SORCS2: variants seen among roughly 807,000 people sequenced by gnomAD.
SORCS2 encodes the protein sortilin related VPS10 domain containing receptor 2, also known as VPS10 domain-containing receptor SorCS2.
Under a neutral mutation model 141.6 loss-of-function variants are expected in SORCS2, and 100 were observed. The observed-to-expected ratio is 0.71, with a 90% confidence interval of 0.60 to 0.83. The LOEUF is 0.83. Ranked by LOEUF, SORCS2 falls within the 40% of genes least tolerant of loss-of-function variation. The pLI, the probability that SORCS2 is intolerant of heterozygous loss-of-function variation, is 0.00. For missense variants in SORCS2, 1,646 were observed against 1,560.2 expected, an observed-to-expected ratio of 1.05 and a Z score of -0.93; for synonymous variants, 789 against 676.9, an observed-to-expected ratio of 1.17 and a Z score of -2.57.
At chr4:7,567,557 C>T (rs995564715) in intron 3 of SORCS2, among the ~76,000 whole-genome samples, 1 of 152,162 alleles carries the variant, frequency 6.6e-6, no homozygotes, top group African/African-American at 2.4e-5. Context: ...CGCATCACAC[C>T]AAGGCCACAC....
intron 1 of SORCS2, among the ~76,000 whole-genome samples, chr4:7,337,681 G>A (rs931376522): frequency 6.6e-6 from 1 of 152,182 alleles, no homozygotes; most frequent in African/African-American, 2.4e-5. Flanking sequence ...CGCTGGGGCA[G>A]CATTGCTCCC....
At chr4:7,541,838 C>T (rs985846204) in intron 3 of SORCS2, among the ~76,000 whole-genome samples, 1 of 152,176 alleles carries the variant, frequency 6.6e-6, no homozygotes, top group Non-Finnish European at 1.5e-5. Flanking sequence ...CAAAGAAAAA[C>T]GCAGATAGAA....
chr4:7,472,662 A>C (rs1048492674), intron 2 of SORCS2, among the ~76,000 whole-genome samples: 3 of 152,128 alleles, frequency 2.0e-5, no homozygotes, highest in African/African-American at 7.2e-5. Context: ...GGCAGACTAA[A>C]GCCGGAAGAA....
intron 11 of SORCS2, among the ~76,000 whole-genome samples, chr4:7,695,923 GA>G (rs1234359209): frequency 0.016 from 1,550 of 96,412 alleles, 121 homozygotes; most frequent in African/African-American, 0.017. Flanking sequence ...TGGATGGATG[GA>G]TTGGTGGGTG....
At chr4:7,397,784 A>G (rs1333336138) in intron 2 of SORCS2, among the ~76,000 whole-genome samples, 3 of 152,208 alleles carry the variant, frequency 2.0e-5, no homozygotes, top group African/African-American at 7.2e-5. Flanking sequence ...GGGCAGGCCC[A>G]GGGAGGGCGC....
intron 1 of SORCS2, among the ~76,000 whole-genome samples, chr4:7,377,170 C>CT (rs895989748): frequency 7.3e-5 from 11 of 151,506 alleles, no homozygotes; most frequent in Non-Finnish European, 1.2e-4. Flanking sequence ...CATTGTTTGT[C>CT]TTTTTTTTTC....
intron 8 of SORCS2, among the ~76,000 whole-genome samples, chr4:7,674,311 G>T (rs1577927777): frequency 6.6e-6 from 1 of 152,008 alleles, no homozygotes; most frequent in Non-Finnish European, 1.5e-5. Flanking sequence ...CGGGCGCGGT[G>T]GCTCACGCCT....
At chr4:7,251,086 A>G (rs1026690127) in intron 1 of SORCS2, among the ~76,000 whole-genome samples, 1 of 152,252 alleles carries the variant, frequency 6.6e-6, no homozygotes, top group African/African-American at 2.4e-5. Flanking sequence ...AAATGGGTGC[A>G]TTGGGATAAT....
At chr4:7,461,260 C>T (rs372578174) in intron 2 of SORCS2, among the ~76,000 whole-genome samples, 46 of 152,342 alleles carry the variant, frequency 3.0e-4, no homozygotes, top group Middle Eastern at 3.4e-3. Flanking sequence ...CATCTCTGAA[C>T]GTGAAAGATG....
intron 1 of SORCS2, among the ~76,000 whole-genome samples, chr4:7,240,316 C>T (rs1038695883): frequency 3.9e-5 from 6 of 152,198 alleles, no homozygotes; most frequent in Non-Finnish European, 8.8e-5. Context: ...TTGTTCTTAT[C>T]AGGTTTTACT....
chr4:7,481,014 A>G (rs1304618323), intron 2 of SORCS2, among the ~76,000 whole-genome samples: 2 of 152,236 alleles, frequency 1.3e-5, no homozygotes, highest in African/African-American at 4.8e-5. Context: ...TTCTCCTCCT[A>G]GACCGACTGT....
At chr4:7,336,041 A>G (rs1719963146) in intron 1 of SORCS2, among the ~76,000 whole-genome samples, 1 of 152,194 alleles carries the variant, frequency 6.6e-6, no homozygotes, top group African/African-American at 2.4e-5. Flanking sequence ...TCCTGTCACC[A>G]TAAGCGCTGT....
chr4:7,740,240 G>A lies in SORCS2; in HGVS notation c.3456G>A (p.Glu1152=), dbSNP rs1712554882. 6.2e-7 allele frequency: 1 copy of A among 1,610,036 alleles called. No individual in the cohort carries two copies. The highest frequency in any genetic ancestry group is 1.3e-5 in the African/African-American group (1 of 75,024). The change falls in exon 27 of 27, where the codon GAG becomes GAA. Residue 1152 remains glutamate, a synonymous_variant. Transcript: ENST00000507866. ...TGGTCCTGAGCATCAACTCCCGAGAGATGCACAGCTACCTGGTGAGCTGAT... is the reference window on the plus strand; with the variant it reads ...TGGTCCTGAGCATCAACTCCCGAGAAATGCACAGCTACCTGGTGAGCTGAT... ...SGVVLSINSR[E]MHSYLVS is the part of the protein sequence containing the mutation.
intron 1 of SORCS2, among the ~76,000 whole-genome samples, chr4:7,241,277 G>T (rs534031434): frequency 6.6e-6 from 1 of 152,278 alleles, no homozygotes; most frequent in South Asian, 2.1e-4. Flanking sequence ...TTGGCTGGTG[G>T]GCAGAGGACA....
chr4:7,407,217 G>A (rs1052770034), intron 2 of SORCS2, among the ~76,000 whole-genome samples: 2 of 152,028 alleles, frequency 1.3e-5, no homozygotes, highest in African/African-American at 2.4e-5. Context: ...TAACTCTGAT[G>A]TTCCTTTGTT....
chr4:7,677,255 C>T (rs893692694), intron 9 of SORCS2, among the ~76,000 whole-genome samples: 9 of 152,316 alleles, frequency 5.9e-5, no homozygotes, highest in East Asian at 3.9e-4. Flanking sequence ...GAGAACGCCC[C>T]GTGCATCGCA....
chr4:7,269,826 A>G (rs1183470727), intron 1 of SORCS2, among the ~76,000 whole-genome samples: 3 of 152,182 alleles, frequency 2.0e-5, no homozygotes, highest in Non-Finnish European at 4.4e-5. Flanking sequence ...TGAGCCACCC[A>G]CTGTGTGGTG....
At chr4:7,571,395 C>T (rs995788165) in intron 3 of SORCS2, among the ~76,000 whole-genome samples, 1 of 152,168 alleles carries the variant, frequency 6.6e-6, no homozygotes, top group Non-Finnish European at 1.5e-5. Context: ...AACCACATGG[C>T]AGGACCCTGG....
intron 3 of SORCS2, among the ~76,000 whole-genome samples, chr4:7,567,882 T>A (rs896424552): frequency 6.6e-6 from 1 of 152,248 alleles, no homozygotes; most frequent in Admixed American, 6.5e-5. Flanking sequence ...AATCCAATAG[T>A]ACCTTATTTT....
Sources: gnomAD v4.1 joint callset for allele counts (sites outside exome capture counted in the v4.1 genomes callset) on GRCh38, gnomAD v4.1.1 for gene constraint, MANE v1.5 for transcripts, NCBI Gene and HGNC (gene_info 2026-07-23, HGNC 2026-07-21) for gene names.